WDR27: variants seen among roughly 807,000 people sequenced by gnomAD.
WDR27 encodes WD repeat domain 27.
Under a neutral mutation model 114.4 loss-of-function variants are expected in WDR27, and 100 were observed. That is an observed-to-expected ratio of 0.87 (90% CI 0.74 to 1.03). The LOEUF (loss-of-function observed/expected upper bound fraction) is 1.03. Among genes scored for constraint, WDR27 ranks in the 50% least tolerant of loss-of-function variants. WDR27 has a pLI of 0.00. For synonymous variants in WDR27, 449 were observed against 423.1 expected (o/e 1.06, Z -0.75); for missense variants, 1,129 against 1,092.9 (o/e 1.03, Z -0.47).
intron 4 of WDR27, chr6:169,669,700 G>A (rs944821706): frequency 1.3e-5 from 2 of 152,164 alleles, no homozygotes; most frequent in East Asian, 3.9e-4. Flanking sequence ...GAAATAGTGT[G>A]AAGCCCTTTA....
At chr6:169,586,393 G>C (rs1257515835) in intron 23 of WDR27, among the ~76,000 whole-genome samples, 1 of 151,954 alleles carries the variant, frequency 6.6e-6, no homozygotes, top group Non-Finnish European at 1.5e-5. Context: ...CTCTATCAAA[G>C]TTATCTTCCA....
chr6:169,493,754 TTAAA>T (rs1468029287), intron 25 of WDR27, among the ~76,000 whole-genome samples: 2 of 152,204 alleles, frequency 1.3e-5, no homozygotes, highest in Non-Finnish European at 2.9e-5. Context: ...TATGATGCTA[TTAAA>T]TAAGTCATAT....
rs2997880 is a variant in WDR27, at chr6:169,492,302, A to G, written c.2646-34668T>C. Among the ~76,000 whole-genome samples, 3 of 151,732 alleles carry G rather than the reference A, an allele frequency of 2.0e-5. No homozygotes were observed. The South Asian group carries it at 6.2e-4, about 31-fold the overall frequency. On this transcript the variant is annotated intron_variant, in intron 25 of 25. Transcript: ENST00000448612. Reference sequence around the variant, plus strand: ...AACTCAATGAAATATAATATTAAAGAATTACCTCAAATTCAGCTTACAGAG... The same window carrying G: ...AACTCAATGAAATATAATATTAAAGGATTACCTCAAATTCAGCTTACAGAG...
intron 2 of WDR27, among the ~76,000 whole-genome samples, chr6:169,679,766 T>G (rs1349598698): frequency 6.6e-6 from 1 of 152,242 alleles, no homozygotes; most frequent in African/African-American, 2.4e-5. Flanking sequence ...ATTAAATCTC[T>G]TTTCTTTATA....
At chr6:169,463,964 C>T (rs1358564926) in intron 25 of WDR27, among the ~76,000 whole-genome samples, 1 of 152,172 alleles carries the variant, frequency 6.6e-6, no homozygotes, top group Non-Finnish European at 1.5e-5. Context: ...ATATTACCCA[C>T]AGTGATCTAC....
At chr6:169,459,409 T>TG (rs1174852986) in intron 25 of WDR27, among the ~76,000 whole-genome samples, 1 of 151,630 alleles carries the variant, frequency 6.6e-6, no homozygotes, top group Non-Finnish European at 1.5e-5. Context: ...AAAAAAGCAC[T>TG]GAAAAAAGTG....
intron 22 of WDR27, among the ~76,000 whole-genome samples, chr6:169,611,379 C>T (rs909204462): frequency 7.0e-5 from 10 of 142,122 alleles, no homozygotes; most frequent in Non-Finnish European, 1.3e-4. Context: ...GATTTTGGCT[C>T]ACTGCAAACT....
intron 21 of WDR27, among the ~76,000 whole-genome samples, chr6:169,622,338 G>A (rs148537402): frequency 3.9e-3 from 593 of 152,130 alleles, no homozygotes; most frequent in African/African-American, 0.014. Flanking sequence ...CCCCAACCTG[G>A]GCAAAATAAA....
At chr6:169,458,967 A>G (rs558525358) in intron 25 of WDR27, among the ~76,000 whole-genome samples, 2 of 152,102 alleles carry the variant, frequency 1.3e-5, no homozygotes, top group Admixed American at 1.3e-4. Context: ...GACAAAAAAA[A>G]TCAAACCCAG....
chr6:169,622,485 A>G (rs536573706), intron 21 of WDR27, among the ~76,000 whole-genome samples: 6 of 152,364 alleles, frequency 3.9e-5, no homozygotes, highest in Admixed American at 3.9e-4. Context: ...TTAAGAGTTC[A>G]GCCCAAAGTC....
intron 3 of WDR27, 72 bp from the exon 4 acceptor site, chr6:169,670,765 T>A: frequency 1.9e-6 from 3 of 1,566,584 alleles, no homozygotes; most frequent in Non-Finnish European, 2.6e-6. Context: ...AGAAAAGTAC[T>A]GAGAATGTAA....
chr6:169,616,004 G>A (rs1811737238), intron 21 of WDR27, among the ~76,000 whole-genome samples: 3 of 147,208 alleles, frequency 2.0e-5, no homozygotes, highest in South Asian at 2.1e-4. Context: ...CAGCACACGC[G>A]AACTCTGAGG....
At chr6:169,550,817 G>A (rs990190538) in intron 25 of WDR27, among the ~76,000 whole-genome samples, 4 of 152,168 alleles carry the variant, frequency 2.6e-5, no homozygotes, top group African/African-American at 7.2e-5. Flanking sequence ...CTGGGCTCAA[G>A]CAATCCTCCC....
At chr6:169,658,418 C>G (rs1454875919) in intron 12 of WDR27, 60 bp from the exon 13 acceptor site, 1 of 1,248,902 alleles carries the variant, frequency 8.0e-7, no homozygotes, top group Non-Finnish European at 1.1e-6. Context: ...ATGGAAATGC[C>G]TCAGTGACAC....
At chr6:169,489,566 G>C (rs150355454) in intron 25 of WDR27, among the ~76,000 whole-genome samples, 1 of 152,144 alleles carries the variant, frequency 6.6e-6, no homozygotes, top group Admixed American at 6.5e-5. Context: ...AGCATTGCAC[G>C]TCTCTGTGAA....
chr6:169,524,217 A>G (rs183672475), intron 25 of WDR27, among the ~76,000 whole-genome samples: 1 of 152,294 alleles, frequency 6.6e-6, no homozygotes, highest in African/African-American at 2.4e-5. Context: ...CCTAGGAATC[A>G]ATTTATCCAA....
At chr6:169,587,490 A>G (rs1217466016) in intron 23 of WDR27, among the ~76,000 whole-genome samples, 1 of 152,146 alleles carries the variant, frequency 6.6e-6, no homozygotes, top group African/African-American at 2.4e-5. Context: ...AAGTGCTGGG[A>G]TTACAGGTGT....
At chr6:169,516,788 A>ACACAC in intron 25 of WDR27, among the ~76,000 whole-genome samples, 1 of 119,328 alleles carries the variant, frequency 8.4e-6, no homozygotes, top group Non-Finnish European at 1.7e-5. Flanking sequence ...GGCATGCTCC[A>ACACAC]ACACACACAC....
chr6:169,686,948 T>A (rs1199222076), intron 2 of WDR27, among the ~76,000 whole-genome samples: 1 of 151,974 alleles, frequency 6.6e-6, no homozygotes, highest in Non-Finnish European at 1.5e-5. Flanking sequence ...GTGGATCTTG[T>A]GGAAGTGGGG....
Sources: gnomAD v4.1 joint callset for allele counts (sites outside exome capture counted in the v4.1 genomes callset) on GRCh38, gnomAD v4.1.1 for gene constraint, MANE v1.5 for transcripts, NCBI Gene and HGNC (gene_info 2026-07-23, HGNC 2026-07-21) for gene names.